MYO10: variants seen among roughly 807,000 people sequenced by gnomAD.
The protein encoded by MYO10 is unconventional myosin-X.
A neutral mutation model predicts 257.3 loss-of-function variants in MYO10; 133 were observed. The observed-to-expected ratio is 0.52, with a 90% CI of 0.45 to 0.60. MYO10 has a LOEUF of 0.60. Among genes scored for constraint, MYO10 ranks in the 20% least tolerant of loss-of-function variants. The pLI is 0.00. For missense variants in MYO10, 2,399 were observed against 2,635.7 expected, an observed-to-expected ratio of 0.91 and a Z score of 1.97; for synonymous variants, 1,104 against 1,028.6, an observed-to-expected ratio of 1.07 and a Z score of -1.40.
At chr5:16,882,491 T>C (rs1339724750) in intron 1 of MYO10, among the ~76,000 whole-genome samples, 1 of 151,998 alleles carries the variant, frequency 6.6e-6, no homozygotes, top group Non-Finnish European at 1.5e-5. Flanking sequence ...GCAAAAATAC[T>C]GGAAACAATT....
intron 3 of MYO10, among the ~76,000 whole-genome samples, chr5:16,797,704 A>G (rs1742009804): frequency 6.6e-6 from 1 of 152,244 alleles, no homozygotes; most frequent in African/African-American, 2.4e-5. Context: ...AGCCAGACAC[A>G]AAAGTTCACA....
chr5:16,900,452 C>T (rs1243290180), intron 1 of MYO10, among the ~76,000 whole-genome samples: 1 of 152,090 alleles, frequency 6.6e-6, no homozygotes, highest in Non-Finnish European at 1.5e-5. Flanking sequence ...AAAAAAACTA[C>T]CCTGGAACCT....
chr5:16,908,140 G>A (rs1745564333), intron 1 of MYO10, among the ~76,000 whole-genome samples: 3 of 152,088 alleles, frequency 2.0e-5, no homozygotes, highest in African/African-American at 7.2e-5. Context: ...GGCTGAGGCA[G>A]AGAATCCCTT....
chr5:16,795,612 T>C lies in MYO10; in HGVS notation c.280-779A>G, dbSNP rs115008001. Among the ~76,000 whole-genome samples the C allele has an allele frequency of 5.1e-3, 780 of 152,112 alleles. 5 individuals are homozygous for C. Among genetic ancestry groups the C allele is most frequent in the African/African-American group, 0.018 (737 of 41,500 alleles). On this transcript the variant is annotated intron_variant, in intron 3 of 40. Transcript: ENST00000513610. ...TGAGATTCCATCTCAAAAAAAGTTA[T>C]GGAAGTGGTTGGTACTTGTGGATGC...
At chr5:16,667,549 C>T (rs1412062268) in intron 40 of MYO10, among the ~76,000 whole-genome samples, 1 of 152,130 alleles carries the variant, frequency 6.6e-6, no homozygotes, top group African/African-American at 2.4e-5. Context: ...ATCCTGCAGC[C>T]TGGCACCTGG....
At chr5:16,673,646 C>T (rs909959849) in intron 36 of MYO10, 36 bp downstream of exon 36, 2 of 1,590,092 alleles carry the variant, frequency 1.3e-6, no homozygotes, top group African/African-American at 1.3e-5. Context: ...GCAGCAAAGG[C>T]ATCTAACAGA....
At chr5:16,908,331 C>A (rs990624597) in intron 1 of MYO10, among the ~76,000 whole-genome samples, 1 of 152,094 alleles carries the variant, frequency 6.6e-6, no homozygotes, top group African/African-American at 2.4e-5. Flanking sequence ...AGTTCGAGAG[C>A]AGCCTGGCCA....
At chr5:16,905,572 C>T (rs1326239664) in intron 1 of MYO10, among the ~76,000 whole-genome samples, 1 of 152,170 alleles carries the variant, frequency 6.6e-6, no homozygotes, top group Non-Finnish European at 1.5e-5. Context: ...ATGAGTCCAT[C>T]TCAGACCTCC....
chr5:16,669,255 C>T lies in MYO10; in HGVS notation c.5884-787G>A, dbSNP rs374259377. Among the ~76,000 whole-genome samples the T allele has an allele frequency of 3.3e-3, 495 of 152,088 alleles. 1 individual carries two copies. The highest frequency in any genetic ancestry group is 0.012 in the African/African-American group (478 of 41,476). ...TTTTGACGGAGTCTCACTCTGTCGC[C>T]CAGGCTGGAGTGCAGTGGCGTGATC... is the stretch of plus-strand genomic sequence containing the variant. On this transcript the variant is annotated intron_variant, in intron 39 of 40. Transcript: ENST00000513610.
chr5:16,825,028 G>C (rs1366544920), intron 2 of MYO10, among the ~76,000 whole-genome samples: 3 of 152,136 alleles, frequency 2.0e-5, no homozygotes, highest in Non-Finnish European at 4.4e-5. Context: ...GGATTTCTAG[G>C]AATTGGAGAC....
At position 16,728,041 on chromosome 5, in the gene MYO10, C is replaced by T. The variant is rs142435223; in HGVS notation, c.1930-16796G>A. Reference sequence around the variant, plus strand: ...TGGTCACATACTTGTTTCCAAAACACACAAGTGGCCTGAAAATCACGTGTT... The same window carrying T: ...TGGTCACATACTTGTTTCCAAAACATACAAGTGGCCTGAAAATCACGTGTT... On this transcript the variant is annotated intron_variant, in intron 19 of 40. Coordinates refer to ENST00000513610, the MANE Select transcript of MYO10 (RefSeq NM_012334.3). Among the ~76,000 whole-genome samples, 24 of 152,266 alleles carry T rather than the reference C, an allele frequency of 1.6e-4. No homozygotes were observed. In the East Asian group the frequency reaches 4.4e-3, roughly 28 times the overall value.
chr5:16,734,549 A>C (rs949948021), intron 19 of MYO10, among the ~76,000 whole-genome samples: 1 of 152,196 alleles, frequency 6.6e-6, no homozygotes, highest in African/African-American at 2.4e-5. Flanking sequence ...TCATGCCTAT[A>C]AATTCAGCAC....
At chr5:16,687,648 T>C (rs1737311167) in intron 28 of MYO10, among the ~76,000 whole-genome samples, 1 of 152,040 alleles carries the variant, frequency 6.6e-6, no homozygotes. Flanking sequence ...CACTAAAATC[T>C]ATCTCGCGTG....
rs1226290024 is a variant in MYO10, at chr5:16,670,666, C to T, written c.5743G>A (p.Glu1915Lys). 8.1e-6 allele frequency: 13 copies of T among 1,613,924 alleles called. No homozygotes were observed. Among genetic ancestry groups the T allele is most frequent in the Non-Finnish European group, 9.3e-6 (11 of 1,179,906 alleles). ...CTGGCTCGAGCAGAGGAGACTTCTT[C>T]CTTAATCCACATGTCCAGCATCTGC... The part of the protein sequence containing the change: ...EEQMLDMWIK[E>K]EVSSARASII... Residue 1915 changes from glutamate to lysine, a missense_variant, in exon 39 of 41, where the codon GAA (glutamate) becomes AAA (lysine). By Grantham distance (56) the Glu-to-Lys change is moderately conservative. Around this residue, in one of 3 missense-constraint regions of MYO10, gnomAD observed 1,820 missense variants for 1,939.4 expected, o/e 0.94. Transcript: ENST00000513610.
At chr5:16,759,847 T>C (rs1417515212) in intron 17 of MYO10, among the ~76,000 whole-genome samples, 1 of 152,206 alleles carries the variant, frequency 6.6e-6, no homozygotes, top group Non-Finnish European at 1.5e-5. Context: ...ATGTTGTATA[T>C]AGTGAACCCT....
intron 3 of MYO10, among the ~76,000 whole-genome samples, chr5:16,806,320 G>A (rs1343033229): frequency 6.6e-6 from 1 of 151,434 alleles, no homozygotes; most frequent in Non-Finnish European, 1.5e-5. Flanking sequence ...TCACGCCACT[G>A]CACTCCAGCC....
chr5:16,838,551 A>G (rs1428061459), intron 2 of MYO10, among the ~76,000 whole-genome samples: 2 of 152,226 alleles, frequency 1.3e-5, no homozygotes, highest in Non-Finnish European at 2.9e-5. Flanking sequence ...TCCACAACAC[A>G]AAAGAGCAAG....
At chr5:16,921,359 G>C (rs71609344) in intron 1 of MYO10, among the ~76,000 whole-genome samples, 18 of 151,974 alleles carry the variant, frequency 1.2e-4, no homozygotes, top group South Asian at 2.1e-4. Flanking sequence ...AAGCACTTAG[G>C]GGGTGAGGGG....
intron 27 of MYO10, among the ~76,000 whole-genome samples, chr5:16,692,827 T>C (rs536734790): frequency 6.6e-6 from 1 of 152,348 alleles, no homozygotes; most frequent in Non-Finnish European, 1.5e-5. Context: ...TTTCCATAAC[T>C]CAGTATAATT....
Sources: gnomAD v4.1 joint callset for allele counts (sites outside exome capture counted in the v4.1 genomes callset) on GRCh38, gnomAD v4.1.1 for gene constraint, gnomAD v4.1.1 regional missense constraint, MANE v1.5 for transcripts, NCBI Gene and HGNC (gene_info 2026-07-23, HGNC 2026-07-21) for gene names.